Variants in NTNG2 observed in about 807,000 individuals in gnomAD.
The protein encoded by NTNG2 is netrin G2.
Under a neutral mutation model 47.6 loss-of-function variants are expected in NTNG2, and 15 were observed. The ratio of observed to expected loss-of-function variants is 0.32; its 90% CI spans 0.21 to 0.49. The LOEUF is 0.49. NTNG2 is among the 20% of genes least tolerant of loss of function. NTNG2 has a pLI of 0.99. For missense variants in NTNG2, 578 were observed against 764.6 expected, an observed-to-expected ratio of 0.76 and a Z score of 2.88; for synonymous variants, 307 against 324.6, an observed-to-expected ratio of 0.95 and a Z score of 0.58.
At chr9:132,164,117 G>A (rs1178955015) in intron 1 of NTNG2, among the ~76,000 whole-genome samples, 1 of 152,048 alleles carries the variant, frequency 6.6e-6, no homozygotes, top group East Asian at 1.9e-4. Context: ...CAATATTCGT[G>A]TGCTGAGCTC....
chr9:132,239,732 G>A (rs142385233), intron 6 of NTNG2, among the ~76,000 whole-genome samples: 118 of 152,362 alleles, frequency 7.7e-4, no homozygotes, highest in Middle Eastern at 3.4e-3. Context: ...CCAAAAGATC[G>A]CCTTGCTGCG....
chr9:132,227,887 T>C (rs937751923), intron 4 of NTNG2, among the ~76,000 whole-genome samples: 8 of 152,222 alleles, frequency 5.3e-5, no homozygotes, highest in Non-Finnish European at 1.0e-4. Context: ...GGGTGGGCTC[T>C]CCCTGACCCC....
At chr9:132,239,007 T>C (rs879539815) in intron 5 of NTNG2, 97 bp from the exon 6 acceptor site, 1 of 1,268,672 alleles carries the variant, frequency 7.9e-7, no homozygotes, top group African/African-American at 1.5e-5. Context: ...CCTTCCTCCG[T>C]CCCTGCATGA....
At chr9:132,188,167 C>T (rs1025140430) in intron 2 of NTNG2, among the ~76,000 whole-genome samples, 3 of 152,212 alleles carry the variant, frequency 2.0e-5, no homozygotes, top group African/African-American at 7.2e-5. Flanking sequence ...CCCCCGTGCT[C>T]GAGTCCTGGC....
rs758105727 is a variant in NTNG2 at position 132,166,811 on chromosome 9, G to A, written c.-21G>A. ...CCTCTCCAGGGCTTCTCTGGGCCGCGCCTCTGCAGACTGCGCAGCCATGCT... is the reference window on the plus strand; with the variant it reads ...CCTCTCCAGGGCTTCTCTGGGCCGCACCTCTGCAGACTGCGCAGCCATGCT... On this transcript the variant is annotated 5_prime_UTR_variant, in exon 2 of 8. Transcript: ENST00000393229. The A allele has an allele frequency of 6.8e-6, 11 of 1,612,002 alleles. No homozygotes were observed. The highest frequency in any genetic ancestry group is 2.7e-5 in the African/African-American group (2 of 74,914).
At chr9:132,240,823 C>A in intron 6 of NTNG2, 87 bp from the exon 7 acceptor site, 1 of 1,588,166 alleles carries the variant, frequency 6.3e-7, no homozygotes, top group Non-Finnish European at 8.6e-7. Context: ...TGTGGAGATG[C>A]TCCCTGCGAG....
intron 3 of NTNG2, among the ~76,000 whole-genome samples, chr9:132,207,162 A>G (rs1839228426): frequency 1.3e-5 from 2 of 152,248 alleles, no homozygotes; most frequent in South Asian, 2.1e-4. Flanking sequence ...TCTCGCCATC[A>G]TATTAATTCA....
chr9:132,196,787 C>A (rs931446076), intron 2 of NTNG2, among the ~76,000 whole-genome samples: 3 of 152,182 alleles, frequency 2.0e-5, no homozygotes, highest in African/African-American at 7.2e-5. Flanking sequence ...GGCGTCAGAA[C>A]CCTCAGGTGA....
intron 3 of NTNG2, among the ~76,000 whole-genome samples, chr9:132,217,444 C>T (rs1840066510): frequency 6.6e-6 from 1 of 152,176 alleles, no homozygotes; most frequent in Admixed American, 6.5e-5. Context: ...TGCCCACTGC[C>T]TGCCCACTTC....
rs111490570 is a variant in NTNG2, at chr9:132,182,846, G to A, written c.214-15120G>A. On this transcript the variant is annotated intron_variant, in intron 2 of 7. Coordinates refer to ENST00000393229, the MANE Select transcript of NTNG2 (RefSeq NM_032536.4). The surrounding 1 kb of genome is among the most constrained non-coding windows in gnomAD (Gnocchi z 4.2). ...AGCCACTCGGCTGGCTCTCAGCCGG[G>A]GTGCACACTGGACTTGCCTGGGAGC... 9.7e-4 allele frequency among the ~76,000 whole-genome samples: 147 copies of A among 152,272 alleles called. 1 individual carries two copies. The highest frequency in any genetic ancestry group is 3.3e-3 in the African/African-American group (138 of 41,554).
intron 5 of NTNG2, among the ~76,000 whole-genome samples, chr9:132,237,472 T>C (rs923030423): frequency 1.3e-5 from 2 of 152,186 alleles, no homozygotes; most frequent in African/African-American, 4.8e-5. Flanking sequence ...TACAAACTTT[T>C]CCAGCTCAAG....
Position 132,198,346 on chromosome 9 carries a change from G to C in NTNG2, c.594G>C (p.Glu198Asp). 2 of 1,612,894 alleles carry C rather than the reference G, an allele frequency of 1.2e-6. No homozygotes were observed. The highest frequency in any genetic ancestry group is 1.7e-6 in the Non-Finnish European group (2 of 1,179,932). Residue 198 changes from glutamate (E) to aspartate (D), a missense_variant, in exon 3 of 8, where the codon GAG becomes GAC. Physicochemically the swap from Glu to Asp is conservative, Grantham distance 45 (BLOSUM62 2). Coordinates refer to ENST00000393229, the MANE Select transcript of NTNG2 (RefSeq NM_032536.4). ...CGCACCGCGTGCTCTGCACCGAGGA[G>C]TACTCGCGCTGGGCAGGCTCCAAGA... The part of the protein sequence containing the change: ...SSAHRVLCTE[E>D]YSRWAGSKKE...
chr9:132,187,510 C>T (rs1589412975), intron 2 of NTNG2, among the ~76,000 whole-genome samples: 1 of 148,466 alleles, frequency 6.7e-6, no homozygotes, highest in Non-Finnish European at 1.5e-5. Flanking sequence ...AGAGGGACAG[C>T]GATCAATGAA....
intron 3 of NTNG2, among the ~76,000 whole-genome samples, chr9:132,225,417 T>G (rs1461113048): frequency 6.6e-6 from 1 of 152,082 alleles, no homozygotes; most frequent in African/African-American, 2.4e-5. Flanking sequence ...ACTGCAGGCA[T>G]GTGCCACCAC....
chr9:132,199,638 G>A (rs1838589096), intron 3 of NTNG2, among the ~76,000 whole-genome samples: 1 of 152,180 alleles, frequency 6.6e-6, no homozygotes, highest in Admixed American at 6.5e-5. Context: ...TCCAGAGGTC[G>A]AGCTGATACT....
intron 2 of NTNG2, among the ~76,000 whole-genome samples, chr9:132,178,786 CA>C (rs57942639): frequency 0.046 from 4,269 of 93,484 alleles, 130 homozygotes; most frequent in East Asian, 0.13. Flanking sequence ...ACTAAAAATA[CA>C]AAAAAAAAAA....
Position 132,214,581 on chromosome 9 carries a change from G to A in NTNG2, c.858-12268G>A, listed in dbSNP as rs56376087. ...AGAAAAAGGGAAACTTAGCTGAAAA[G>A]GTGGCTGTGGCTCTGTCCTTGCTGG... On this transcript the variant is annotated intron_variant, in intron 3 of 7. Coordinates refer to ENST00000393229, the MANE Select transcript of NTNG2 (RefSeq NM_032536.4). Among the ~76,000 whole-genome samples, 1,269 of 152,304 alleles carry A rather than the reference G, an allele frequency of 8.3e-3. 15 individuals are homozygous for A. The highest frequency in any genetic ancestry group is 0.011 in the Admixed American group (175 of 15,296).
intron 2 of NTNG2, among the ~76,000 whole-genome samples, chr9:132,169,128 T>G (rs1011167802): frequency 3.3e-5 from 5 of 152,152 alleles, no homozygotes; most frequent in Non-Finnish European, 7.3e-5. Flanking sequence ...CATCCCCTGC[T>G]CCTCTCCTGG....
intron 3 of NTNG2, among the ~76,000 whole-genome samples, chr9:132,219,140 C>G (rs964896659): frequency 6.6e-6 from 1 of 151,784 alleles, no homozygotes; most frequent in African/African-American, 2.4e-5. Flanking sequence ...TCACTTGAAC[C>G]CAGGAGGCAG....
Sources: gnomAD v4.1 joint callset for allele counts (sites outside exome capture counted in the v4.1 genomes callset) on GRCh38, gnomAD v4.1.1 for gene constraint, Gnocchi (gnomAD v3.1) non-coding constraint, MANE v1.5 for transcripts, NCBI Gene and HGNC (gene_info 2026-07-23, HGNC 2026-07-21) for gene names.